The following GTF2E2 variants were observed in gnomAD, a reference collection of about 807,000 sequenced individuals.
The protein encoded by GTF2E2 is general transcription factor IIE subunit 2.
GTF2E2 carries 21 observed loss-of-function variants against 40.5 expected under a neutral mutation model. The observed-to-expected ratio is 0.52, with a 90% CI of 0.37 to 0.75. The LOEUF is 0.75. Among genes scored for constraint, GTF2E2 ranks in the 30% least tolerant of loss-of-function variants. GTF2E2 has a pLI of 0.00. For missense variants in GTF2E2, 298 were observed against 338.4 expected (o/e 0.88, Z 0.94); for synonymous variants, 117 against 121.6 (o/e 0.96, Z 0.25).
chr8:30,609,757 G>A lies in GTF2E2; in HGVS notation c.549+2542C>T, dbSNP rs143964240. On this transcript the variant is annotated intron_variant, in intron 5 of 7. Coordinates refer to ENST00000355904, the MANE Select transcript of GTF2E2 (RefSeq NM_002095.6). The stretch of plus-strand genomic sequence containing the variant: ...CCAATGTTGGAGGTGGGGCCTGGTG[G>A]GCGGTGACTGGTATGAAGGTGGATT... 3.9e-4 allele frequency among the ~76,000 whole-genome samples: 60 copies of A among 152,248 alleles called. 1 individual carries two copies. The highest frequency in any genetic ancestry group is 1.4e-3 in the African/African-American group (59 of 41,550).
chr8:30,610,263 T>C (rs1186865688), intron 5 of GTF2E2, among the ~76,000 whole-genome samples: 1 of 151,820 alleles, frequency 6.6e-6, no homozygotes, highest in Non-Finnish European at 1.5e-5. Context: ...CTGGCCAACA[T>C]GGTAAAACCA....
intron 3 of GTF2E2, among the ~76,000 whole-genome samples, chr8:30,618,173 C>T (rs978271918): frequency 1.4e-5 from 2 of 146,516 alleles, no homozygotes; most frequent in African/African-American, 2.5e-5. Context: ...GGCACATGCC[C>T]GTAATCCCAG....
chr8:30,604,522 C>A (rs1248749296), intron 6 of GTF2E2, among the ~76,000 whole-genome samples: 1 of 152,174 alleles, frequency 6.6e-6, no homozygotes, highest in African/African-American at 2.4e-5. Context: ...TAATCAGGTA[C>A]ACACAGTGGA....
intron 5 of GTF2E2, among the ~76,000 whole-genome samples, chr8:30,609,054 C>T (rs1829405229): frequency 6.6e-6 from 1 of 152,024 alleles, no homozygotes; most frequent in African/African-American, 2.4e-5. Flanking sequence ...CGGCCGAGGT[C>T]AGGAGTTTTG....
intron 1 of GTF2E2, 103 bp downstream of exon 1, chr8:30,657,870 G>A (rs1802492711): frequency 2.6e-5 from 4 of 152,318 alleles, no homozygotes; most frequent in South Asian, 4.1e-4. Flanking sequence ...TTCCCGTGAG[G>A]TGGAGGTCAC....
At chr8:30,656,439 G>C (rs901588672) in intron 1 of GTF2E2, among the ~76,000 whole-genome samples, 14 of 152,246 alleles carry the variant, frequency 9.2e-5, no homozygotes, top group Middle Eastern at 3.4e-3. Flanking sequence ...TAAATTTCTA[G>C]AACAGGAAAC....
At chr8:30,637,217 T>A (rs1165724385) in intron 2 of GTF2E2, 3 of 295,718 alleles carry the variant, frequency 1.0e-5, no homozygotes, top group Non-Finnish European at 2.2e-5. Flanking sequence ...ATTTAATGCT[T>A]GTTTAAGTAA....
intron 2 of GTF2E2, chr8:30,645,729 GAA>G: frequency 1.1e-6 from 1 of 911,886 alleles, no homozygotes; most frequent in Non-Finnish European, 1.6e-6. Context: ...AGTAGAAGGG[GAA>G]AAAAAAGTTA....
intron 4 of GTF2E2, 150 bp downstream of exon 4, chr8:30,614,458 T>C: frequency 1.9e-6 from 1 of 530,806 alleles, no homozygotes; most frequent in Non-Finnish European, 3.3e-6. Context: ...CACATGCCTG[T>C]AGTCCCAACT....
chr8:30,618,076 A>C (rs954965177), intron 3 of GTF2E2, among the ~76,000 whole-genome samples: 2 of 152,120 alleles, frequency 1.3e-5, no homozygotes, highest in Admixed American at 6.5e-5. Flanking sequence ...AGGCAGATGG[A>C]TCTTGAGGCC....
At chr8:30,581,037 A>G (rs1355356454) in intron 6 of GTF2E2, among the ~76,000 whole-genome samples, 2 of 152,192 alleles carry the variant, frequency 1.3e-5, no homozygotes, top group African/African-American at 4.8e-5. Context: ...TTTTGCAACC[A>G]AGAGAGACCA....
At chr8:30,623,278 G>A (rs1205226312) in intron 3 of GTF2E2, among the ~76,000 whole-genome samples, 2 of 152,078 alleles carry the variant, frequency 1.3e-5, no homozygotes, top group Non-Finnish European at 2.9e-5. Flanking sequence ...TCCCACCTAT[G>A]AGTGAGAACA....
chr8:30,623,485 T>C (rs1192358147), intron 3 of GTF2E2, among the ~76,000 whole-genome samples: 7 of 152,160 alleles, frequency 4.6e-5, no homozygotes, highest in Admixed American at 4.6e-4. Context: ...TATGCGTGCA[T>C]GTCTCTTTAC....
intron 2 of GTF2E2, among the ~76,000 whole-genome samples, chr8:30,649,478 T>C (rs145717540): frequency 2.9e-3 from 436 of 150,520 alleles, no homozygotes; most frequent in African/African-American, 0.01. Flanking sequence ...TTGAAAAAAA[T>C]CAACAAAATT....
At chr8:30,588,699 G>A (rs1828752754) in intron 6 of GTF2E2, among the ~76,000 whole-genome samples, 1 of 152,210 alleles carries the variant, frequency 6.6e-6, no homozygotes, top group Non-Finnish European at 1.5e-5. Flanking sequence ...GAGAGCCTGA[G>A]TCAAGGTGGA....
At chr8:30,613,855 T>C (rs889340464) in intron 4 of GTF2E2, among the ~76,000 whole-genome samples, 7 of 152,220 alleles carry the variant, frequency 4.6e-5, no homozygotes, top group African/African-American at 1.4e-4. Flanking sequence ...ATGCTATTCA[T>C]TTCCAAATTA....
chr8:30,634,316 T>C (rs574127494), intron 3 of GTF2E2, among the ~76,000 whole-genome samples: 1 of 152,110 alleles, frequency 6.6e-6, no homozygotes, highest in East Asian at 1.9e-4. Flanking sequence ...GGCATGGTGG[T>C]GCATGCCTGT....
At chr8:30,591,834 T>C (rs1215084213) in intron 6 of GTF2E2, among the ~76,000 whole-genome samples, 2 of 152,196 alleles carry the variant, frequency 1.3e-5, no homozygotes, top group Non-Finnish European at 2.9e-5. Flanking sequence ...GGTATGTTAA[T>C]AGCAGTATTA....
intron 3 of GTF2E2, among the ~76,000 whole-genome samples, chr8:30,631,934 CCT>C (rs1256070036): frequency 2.0e-5 from 3 of 152,012 alleles, no homozygotes; most frequent in South Asian, 2.1e-4. Context: ...ACTGAGAGAC[CCT>C]GTCTCTACAA....
Sources: gnomAD v4.1 joint callset for allele counts (sites outside exome capture counted in the v4.1 genomes callset) on GRCh38, gnomAD v4.1.1 for gene constraint, MANE v1.5 for transcripts, NCBI Gene and HGNC (gene_info 2026-07-23, HGNC 2026-07-21) for gene names.